TAS2R1: variants seen among roughly 807,000 people sequenced by gnomAD.
TAS2R1 encodes the protein taste 2 receptor member 1.
For missense variants in TAS2R1, 370 were observed against 353.4 expected (o/e 1.05, Z -0.38); for synonymous variants, 141 against 134.2 (o/e 1.05, Z -0.35).
At chr5:9,851,097 C>T in the TAS2R1 span, among the ~76,000 whole-genome samples, 1 of 152,180 alleles carries the variant, frequency 6.6e-6, no homozygotes, top group Non-Finnish European at 1.5e-5. Flanking sequence ...GCCTGCAAGA[C>T]AGCTGGATAA....
chr5:9,661,789 T>C (rs1325703404), intron 1 of TAS2R1, among the ~76,000 whole-genome samples: 2 of 152,226 alleles, frequency 1.3e-5, no homozygotes, highest in African/African-American at 2.4e-5. Context: ...GTAAATCATA[T>C]ACACAGATTT....
the TAS2R1 span, among the ~76,000 whole-genome samples, chr5:9,733,020 A>T: frequency 6.6e-6 from 1 of 152,352 alleles, no homozygotes; most frequent in Admixed American, 6.5e-5. Context: ...CAGTCACCTG[A>T]TTATAGATCT....
At chr5:9,675,107 T>C (rs1341343414) in intron 1 of TAS2R1, among the ~76,000 whole-genome samples, 1 of 57,424 alleles carries the variant, frequency 1.7e-5, no homozygotes, top group Non-Finnish European at 3.7e-5. Flanking sequence ...AATGAAATCA[T>C]ATATATATAT....
intron 2 of TAS2R1, among the ~76,000 whole-genome samples, chr5:9,647,587 A>G (rs763874341): frequency 6.6e-6 from 1 of 152,208 alleles, no homozygotes; most frequent in African/African-American, 2.4e-5. Context: ...CCACGTGAAT[A>G]GAGCAAAATT....
At chr5:9,877,392 T>C in the TAS2R1 span, among the ~76,000 whole-genome samples, 2 of 152,194 alleles carry the variant, frequency 1.3e-5, no homozygotes, top group African/African-American at 4.8e-5. Flanking sequence ...ATTTTCAAGA[T>C]TTTCTAGCAG....
the TAS2R1 span, among the ~76,000 whole-genome samples, chr5:9,723,130 C>T: frequency 2.6e-5 from 4 of 152,254 alleles, no homozygotes; most frequent in South Asian, 2.1e-4. Context: ...CTGCTGTTCC[C>T]GGGGTTCCCA....
Position 9,629,859 on chromosome 5 carries a change from C to T in TAS2R1, c.174G>A (p.Leu58=). ...LSCLAVSRIF[L]QLFIFYVNVI... ...CATTAACGTAGAAGATGAACAACTG[C>T]AGAAAAATTCTAGAAACTGCCAGAC... Residue 58 remains leucine, a synonymous_variant, in exon 1 of 1, where the codon CTG becomes CTA. Coordinates refer to ENST00000382492, the MANE Select transcript of TAS2R1 (RefSeq NM_019599.3). The T allele has an allele frequency of 6.2e-7, 1 of 1,613,458 alleles. No individual in the cohort carries two copies.
the TAS2R1 span, among the ~76,000 whole-genome samples, chr5:9,901,897 A>G: frequency 4.6e-5 from 7 of 152,222 alleles, no homozygotes; most frequent in East Asian, 1.3e-3. Flanking sequence ...AACCATGAAT[A>G]GCTGCTTCAG....
the TAS2R1 span, among the ~76,000 whole-genome samples, chr5:9,747,470 G>T: frequency 6.6e-6 from 1 of 152,298 alleles, no homozygotes; most frequent in Non-Finnish European, 1.5e-5. Context: ...CTGGCATGCA[G>T]AGATCACATG....
the TAS2R1 span, among the ~76,000 whole-genome samples, chr5:9,732,475 G>T: frequency 1.3e-5 from 2 of 152,118 alleles, no homozygotes. Context: ...ACAGAGGGTG[G>T]CTTGGATAGG....
the TAS2R1 span, among the ~76,000 whole-genome samples, chr5:9,718,812 G>A: frequency 1.3e-5 from 2 of 151,890 alleles, no homozygotes; most frequent in Non-Finnish European, 2.9e-5. Flanking sequence ...CCAATCACAA[G>A]GAAGCTTCAG....
the TAS2R1 span, among the ~76,000 whole-genome samples, chr5:9,888,521 T>C: frequency 5.7e-4 from 87 of 152,138 alleles, no homozygotes; most frequent in Non-Finnish European, 1.0e-3. Context: ...CCGTAATGCA[T>C]GTATGAAGAG....
the TAS2R1 span, among the ~76,000 whole-genome samples, chr5:9,898,974 A>G: frequency 1.3e-5 from 2 of 152,328 alleles, no homozygotes; most frequent in Middle Eastern, 3.4e-3. Flanking sequence ...TGGACATGGA[A>G]CTGCGAATTC....
At chr5:9,635,809 C>T (rs1473254117) in intron 2 of TAS2R1, among the ~76,000 whole-genome samples, 1 of 151,878 alleles carries the variant, frequency 6.6e-6, no homozygotes, top group Non-Finnish European at 1.5e-5. Context: ...CTAATTGAGA[C>T]TATTGGATCT....
At chr5:9,674,685 G>GA (rs1331712964) in intron 1 of TAS2R1, among the ~76,000 whole-genome samples, 1 of 152,066 alleles carries the variant, frequency 6.6e-6, no homozygotes, top group Non-Finnish European at 1.5e-5. Flanking sequence ...CTACAGTCCT[G>GA]AAGATCATTT....
At chr5:9,730,659 G>A in the TAS2R1 span, among the ~76,000 whole-genome samples, 1 of 152,144 alleles carries the variant, frequency 6.6e-6, no homozygotes, top group Admixed American at 6.5e-5. Context: ...GCTGGGGCAG[G>A]TGCACCACCC....
At chr5:9,865,873 G>C in the TAS2R1 span, among the ~76,000 whole-genome samples, 1 of 152,164 alleles carries the variant, frequency 6.6e-6, no homozygotes, top group African/African-American at 2.4e-5. Flanking sequence ...ATATGCTAAA[G>C]CATGGTTTTC....
the TAS2R1 span, among the ~76,000 whole-genome samples, chr5:9,868,835 G>A: frequency 4.6e-5 from 7 of 152,064 alleles, no homozygotes; most frequent in African/African-American, 9.7e-5. Flanking sequence ...TCTCAGGTTC[G>A]AAGTTTCACA....
chr5:9,720,878 T>G, the TAS2R1 span, among the ~76,000 whole-genome samples: 1 of 152,256 alleles, frequency 6.6e-6, no homozygotes, highest in Non-Finnish European at 1.5e-5. Context: ...AGTGCCATGC[T>G]GCACTTGGAG....
Sources: allele counts gnomAD v4.1 joint callset (sites outside exome capture counted in the v4.1 genomes callset), GRCh38; gene constraint gnomAD v4.1.1; transcripts MANE v1.5; gene names NCBI Gene and HGNC (gene_info 2026-07-23, HGNC 2026-07-21).